FRMD5: variants seen among roughly 807,000 people sequenced by gnomAD.
FRMD5 encodes the protein FERM domain containing 5, also known as FERM domain-containing protein 5.
A neutral mutation model predicts 69.0 loss-of-function variants in FRMD5; 20 were observed. The observed-to-expected ratio is 0.29, with a 90% CI of 0.20 to 0.42. FRMD5 has a LOEUF of 0.42. Among genes scored for constraint, FRMD5 ranks in the 10% least tolerant of loss-of-function variants. The probability of loss-of-function intolerance (pLI) is 1.00; values close to 1 mark genes in which losing one functional copy is unlikely to be tolerated. For synonymous variants in FRMD5, 271 were observed against 260.1 expected (o/e 1.04, Z -0.40); for missense variants, 595 against 708.6 (o/e 0.84, Z 1.82).
intron 1 of FRMD5, among the ~76,000 whole-genome samples, chr15:44,137,674 GATTAT>G (rs2077207305): frequency 6.6e-6 from 1 of 152,002 alleles, no homozygotes; most frequent in African/African-American, 2.4e-5. Flanking sequence ...TAAATTATAT[GATTAT>G]ATGATAGTAA....
At chr15:44,119,414 T>C (rs982509122) in intron 1 of FRMD5, among the ~76,000 whole-genome samples, 2 of 152,218 alleles carry the variant, frequency 1.3e-5, no homozygotes, top group African/African-American at 4.8e-5. Context: ...CTACCCACCA[T>C]AACTTAACTG....
At chr15:44,117,748 T>C (rs777764657) in intron 1 of FRMD5, among the ~76,000 whole-genome samples, 17 of 151,982 alleles carry the variant, frequency 1.1e-4, no homozygotes, top group South Asian at 2.1e-4. Context: ...CCAGAGGAGG[T>C]TGAAGGGAAA....
At chr15:44,124,572 G>A (rs187703333) in intron 1 of FRMD5, among the ~76,000 whole-genome samples, 16 of 151,798 alleles carry the variant, frequency 1.1e-4, no homozygotes, top group African/African-American at 3.1e-4. Context: ...GGTGGCACGC[G>A]CCTGTAGTCC....
chr15:44,099,531 T>C (rs1174106110), intron 1 of FRMD5, among the ~76,000 whole-genome samples: 1 of 152,190 alleles, frequency 6.6e-6, no homozygotes, highest in Non-Finnish European at 1.5e-5. Flanking sequence ...ACTGCAATCA[T>C]GGGTTCTGGA....
chr15:44,145,077 T>C lies in FRMD5; in HGVS notation c.102+49876A>G, dbSNP rs553701869. On this transcript the variant is annotated intron_variant, in intron 1 of 13. Transcript: ENST00000417257. ...ATTAAAATTTTACACTGAAGTAGAA[T>C]CCCAGGGGGATATATAAACTACAGC... Among the ~76,000 whole-genome samples, 10 of 152,322 alleles carry C rather than the reference T, an allele frequency of 6.6e-5. No homozygotes were observed. The East Asian group carries it at 1.9e-3, about 29-fold the overall frequency.
intron 1 of FRMD5, among the ~76,000 whole-genome samples, chr15:44,182,023 T>G (rs2078010175): frequency 6.6e-6 from 1 of 152,052 alleles, no homozygotes; most frequent in African/African-American, 2.4e-5. Context: ...GCTTTTTTTT[T>G]TTTTTGAAAC....
chr15:44,050,425 C>T (rs974493845), intron 1 of FRMD5, among the ~76,000 whole-genome samples: 5 of 148,216 alleles, frequency 3.4e-5, no homozygotes, highest in African/African-American at 1.2e-4. Flanking sequence ...AGTGGTGTGA[C>T]CATGGCTCAC....
chr15:44,153,725 T>C (rs927141278), intron 1 of FRMD5, among the ~76,000 whole-genome samples: 4 of 152,206 alleles, frequency 2.6e-5, no homozygotes, highest in Non-Finnish European at 5.9e-5. Flanking sequence ...TCCCAGCACT[T>C]TGGGAGGCCC....
intron 1 of FRMD5, among the ~76,000 whole-genome samples, chr15:44,099,237 C>T (rs2076601896): frequency 6.6e-6 from 1 of 152,170 alleles, no homozygotes; most frequent in Non-Finnish European, 1.5e-5. Flanking sequence ...TACCAATGCT[C>T]CTCAAACTTT....
At chr15:44,192,553 T>C (rs2078214131) in intron 1 of FRMD5, among the ~76,000 whole-genome samples, 1 of 152,138 alleles carries the variant, frequency 6.6e-6, no homozygotes, top group Non-Finnish European at 1.5e-5. Context: ...ATTTAAAAGA[T>C]CCTATGCCCA....
intron 6 of FRMD5, among the ~76,000 whole-genome samples, chr15:43,905,417 G>C (rs753836780): frequency 2.0e-5 from 3 of 152,076 alleles, no homozygotes; most frequent in Non-Finnish European, 4.4e-5. Context: ...GATTACAGCC[G>C]TAAGCCACCG....
chr15:44,098,897 T>G (rs2076595163), intron 1 of FRMD5, among the ~76,000 whole-genome samples: 1 of 152,240 alleles, frequency 6.6e-6, no homozygotes, highest in Non-Finnish European at 1.5e-5. Context: ...ATTTGCTACT[T>G]ATATAAAGAT....
intron 7 of FRMD5, 63 bp from the exon 8 acceptor site, chr15:43,892,132 C>T: frequency 7.0e-7 from 1 of 1,436,242 alleles, no homozygotes; most frequent in Non-Finnish European, 9.8e-7. Flanking sequence ...GTAAGAAACA[C>T]AGCTGTTCAT....
Position 43,873,767 on chromosome 15 carries a change from G to T in FRMD5, c.*118C>A. The stretch of plus-strand genomic sequence containing the variant: ...CCTCCTAGGCTGCAGTGGACTTTGA[G>T]TCATGAGAGGAGGACTTGGTATATG... On this transcript the variant is annotated 3_prime_UTR_variant, in exon 14 of 14. Coordinates refer to ENST00000417257, the MANE Select transcript of FRMD5 (RefSeq NM_032892.5). The T allele has an allele frequency of 2.6e-6, 4 of 1,533,636 alleles. No individual in the cohort carries two copies.
At chr15:44,004,192 CA>C (rs1187594834) in intron 1 of FRMD5, among the ~76,000 whole-genome samples, 1 of 152,178 alleles carries the variant, frequency 6.6e-6, no homozygotes, top group Non-Finnish European at 1.5e-5. Flanking sequence ...GTAACACACC[CA>C]CACCAGTGAG....
intron 1 of FRMD5, among the ~76,000 whole-genome samples, chr15:44,171,145 C>T (rs946609948): frequency 1.3e-5 from 2 of 152,114 alleles, no homozygotes; most frequent in African/African-American, 4.8e-5. Flanking sequence ...AAAGAACCTA[C>T]TTTTCTTAAA....
intron 1 of FRMD5, among the ~76,000 whole-genome samples, chr15:44,158,047 A>T: frequency 6.6e-6 from 1 of 152,156 alleles, no homozygotes; most frequent in East Asian, 1.9e-4. Flanking sequence ...TTTAAATAGT[A>T]TGCTTAGGAT....
In FRMD5 at chr15:43,976,062, T is replaced by TAA. The variant is rs201696655; in HGVS notation, c.103-51755_103-51754dup. On this transcript the variant is annotated intron_variant, in intron 1 of 13. Coordinates refer to ENST00000417257, the MANE Select transcript of FRMD5 (RefSeq NM_032892.5). Reference sequence around the variant, plus strand: ...CTGGAACAGCGGGATATCTATGTGCTAAAAAAAAAAAAAGGGAGAGGGAGA... The same window carrying TAA: ...CTGGAACAGCGGGATATCTATGTGCTAAAAAAAAAAAAAAAGGGAGAGGGAGA... 2.3e-3 allele frequency among the ~76,000 whole-genome samples: 276 copies of TAA among 122,294 alleles called. 1 individual carries two copies. The highest frequency in any genetic ancestry group is 7.8e-3 in the African/African-American group (259 of 33,304). 80.2% of individuals were successfully genotyped at this position (122,294 alleles called of 152,430 possible). A position where few individuals can be genotyped will look rare whatever the true frequency, so the allele number is the denominator to read the frequency against.
In FRMD5 at chr15:44,174,414, C is replaced by A. The variant is rs147813295; in HGVS notation, c.102+20539G>T. On this transcript the variant is annotated intron_variant, in intron 1 of 13. Transcript: ENST00000417257. ...AATGTCTGTTTCCCAATGGCAAATC[C>A]CTGCTTGTTCCCTCACCTATTTCTA... 3.9e-3 allele frequency among the ~76,000 whole-genome samples: 599 copies of A among 152,154 alleles called. 5 individuals are homozygous for A. Among genetic ancestry groups the A allele is most frequent in the African/African-American group, 0.013 (560 of 41,536 alleles).
Sources: gnomAD v4.1 joint callset for allele counts (sites outside exome capture counted in the v4.1 genomes callset) on GRCh38, gnomAD v4.1.1 for gene constraint, MANE v1.5 for transcripts, NCBI Gene and HGNC (gene_info 2026-07-23, HGNC 2026-07-21) for gene names.